The following FLNB variants were observed in gnomAD, a reference collection of about 807,000 sequenced individuals.
FLNB encodes filamin-B.
Under a neutral mutation model 250.6 loss-of-function variants are expected in FLNB, and 111 were observed. The ratio of observed to expected loss-of-function variants is 0.44; its 90% CI spans 0.38 to 0.52. The LOEUF is 0.52. Among genes scored for constraint, FLNB ranks in the 20% least tolerant of loss-of-function variants. The probability of loss-of-function intolerance (pLI) is 0.00; values close to 1 mark genes in which losing one functional copy is unlikely to be tolerated. For synonymous variants in FLNB, 1,302 were observed against 1,372.1 expected (o/e 0.95, Z 1.13); for missense variants, 2,869 against 3,447.8 (o/e 0.83, Z 4.20).
At chr3:58,012,257 G>A (rs538549555) in intron 1 of FLNB, among the ~76,000 whole-genome samples, 160 of 150,692 alleles carry the variant, frequency 1.1e-3, no homozygotes, top group African/African-American at 3.4e-3. Flanking sequence ...TTTGCACACC[G>A]AAGGGACGTT....
chr3:58,031,329 G>A (rs996077303), intron 1 of FLNB, among the ~76,000 whole-genome samples: 14 of 151,842 alleles, frequency 9.2e-5, no homozygotes, highest in Admixed American at 3.9e-4. Flanking sequence ...TGCAAGCTCC[G>A]CCTCCCGGGT....
In FLNB at chr3:58,081,636, C is replaced by T. The variant is rs755253275; in HGVS notation, c.647C>T (p.Thr216Ile). ...ACCATGTCATTATCCTAGGTCATCA[C>T]TCCTGAAGAAATCATTCACCCGGAT... ...DDWLGVPQVI[T>I]PEEIIHPDVD... The change falls in exon 4 of 46, where the codon ACT (threonine) becomes ATT (isoleucine). Residue 216 changes from threonine (T) to isoleucine (I), a missense_variant. Physicochemically the swap from Thr to Ile is moderately conservative, Grantham distance 89 (BLOSUM62 -1). Transcript: ENST00000295956. The T allele has an allele frequency of 8.1e-6, 13 of 1,613,974 alleles. No individual in the cohort carries two copies. The highest frequency in any genetic ancestry group is 1.1e-5 in the South Asian group (1 of 91,084).
At chr3:58,098,552 C>T (rs1434346732) in intron 7 of FLNB, among the ~76,000 whole-genome samples, 159 bp from the exon 8 acceptor site, 1 of 152,080 alleles carries the variant, frequency 6.6e-6, no homozygotes, top group Non-Finnish European at 1.5e-5. Context: ...AGGCTGGTCT[C>T]GAAATCCTGA....
rs753898187 is a variant in FLNB, at chr3:58,155,955, C to T, written c.6773-5C>T. On this transcript the variant is annotated splice_polypyrimidine_tract_variant and splice_region_variant and intron_variant, in intron 40 of 45. Coordinates refer to ENST00000295956, the MANE Select transcript of FLNB (RefSeq NM_001457.4). ...TGAAATGATGGGACTTTCCTGTCCT[C>T]ATAGGTAACTACGAGGTGTCCATCA... 1.9e-6 allele frequency: 3 copies of T among 1,599,976 alleles called. No individual in the cohort carries two copies. The highest frequency in any genetic ancestry group is 1.1e-5 in the South Asian group (1 of 90,804).
chr3:58,031,880 C>T (rs2097131606), intron 1 of FLNB, among the ~76,000 whole-genome samples: 1 of 151,838 alleles, frequency 6.6e-6, no homozygotes, highest in South Asian at 2.1e-4. Context: ...TACTGCATTA[C>T]TAAGCTTGAC....
At chr3:58,100,371 A>ATATATATAT (rs1273706014) in intron 8 of FLNB, among the ~76,000 whole-genome samples, 2 of 25,250 alleles carry the variant, frequency 7.9e-5, no homozygotes, top group African/African-American at 6.0e-4. Context: ...ATGTAAAAAA[A>ATATATATAT]AAATATATAT....
chr3:58,008,904 C>T, intron 1 of FLNB, 48 bp downstream of exon 1: 1 of 1,607,412 alleles, frequency 6.2e-7, no homozygotes, highest in Middle Eastern at 1.7e-4. Flanking sequence ...GCCGACCCGC[C>T]CCCGCGCGTG....
At chr3:58,149,009 C>T (rs1037575701) in intron 36 of FLNB, among the ~76,000 whole-genome samples, 157 bp downstream of exon 36, 3 of 152,166 alleles carry the variant, frequency 2.0e-5, no homozygotes, top group Non-Finnish European at 4.4e-5. Context: ...GCCTCATGAC[C>T]ATTGGCAAAA....
At position 58,142,062 on chromosome 3, in the gene FLNB, G is replaced by C. The variant is rs1575451384; in HGVS notation, c.5181+133G>C. On this transcript the variant is annotated intron_variant, in intron 30 of 45. Transcript: ENST00000295956. This position sits in a 1 kb window ranked among gnomAD's most constrained non-coding sequence, Gnocchi z 4.3. ...TCATTGGTGTGCCCCTCACTGATCA[G>C]CCCATCACGATGATCCCTGCTTTTT... 3 of 768,162 alleles carry C rather than the reference G, an allele frequency of 3.9e-6. No individual in the cohort carries two copies. The highest frequency in any genetic ancestry group is 7.0e-6 in the Non-Finnish European group (3 of 428,228). The allele number at this position is 768,162 out of a possible 1,614,324, so 47.6% of individuals were successfully genotyped here.
chr3:58,146,456 T>C (rs1575457125), intron 33 of FLNB, among the ~76,000 whole-genome samples: 1 of 152,220 alleles, frequency 6.6e-6, no homozygotes, highest in East Asian at 1.9e-4. Flanking sequence ...GGGATTTCCG[T>C]GATGGCAGCC....
chr3:58,065,008 C>G (rs2106898028), intron 1 of FLNB, among the ~76,000 whole-genome samples: 1 of 152,206 alleles, frequency 6.6e-6, no homozygotes, highest in African/African-American at 2.4e-5. Flanking sequence ...CCACTGCACT[C>G]CAGCTTGGGT....
intron 9 of FLNB, 114 bp downstream of exon 9, chr3:58,102,454 C>G: frequency 8.0e-7 from 1 of 1,254,024 alleles, no homozygotes. Flanking sequence ...AAGGCTATGT[C>G]AAGGATTTGA....
chr3:58,146,608 G>T, intron 33 of FLNB: 1 of 576,128 alleles, frequency 1.7e-6, no homozygotes, highest in Non-Finnish European at 3.1e-6. Flanking sequence ...TTGCAGTGAA[G>T]AACTCAGATG....
intron 39 of FLNB, 137 bp from the exon 40 acceptor site, chr3:58,154,653 TG>T (rs2097350613): frequency 2.3e-6 from 2 of 867,036 alleles, no homozygotes; most frequent in East Asian, 5.0e-5. Flanking sequence ...GGACCTTGCT[TG>T]GGTTCTGCTT....
intron 42 of FLNB, 22 bp downstream of exon 42, chr3:58,159,708 G>T: frequency 6.2e-7 from 1 of 1,610,750 alleles, no homozygotes; most frequent in Non-Finnish European, 8.5e-7. Flanking sequence ...GCCTGCTGGG[G>T]GGTCCCAGCA....
In FLNB at chr3:58,170,648, C is replaced by G; in HGVS notation, c.7695C>G (p.Gly2565=). 6.2e-7 allele frequency: 1 copy of G among 1,614,104 alleles called. No homozygotes were observed. The highest frequency in any genetic ancestry group is 1.3e-5 in the African/African-American group (1 of 75,022). The part of the protein sequence containing the change: ...PCEEVSMKHV[G]NQQYNVTYVV... ...AGGAGGTCTCCATGAAGCATGTAGG[C>G]AACCAGCAATACAACGTCACATACG... Residue 2565 remains glycine (G), a synonymous_variant, in exon 46 of 46, where the codon GGC becomes GGG. Transcript: ENST00000295956.
At chr3:58,126,883 G>T in intron 24 of FLNB, 121 bp downstream of exon 24, 3 of 928,488 alleles carry the variant, frequency 3.2e-6, no homozygotes, top group Non-Finnish European at 5.1e-6. Flanking sequence ...TGCAAAAGGA[G>T]AGTTTTTCTT....
At position 58,008,787 on chromosome 3, in the gene FLNB, A is replaced by T; in HGVS notation, c.223A>T (p.Met75Leu). ...CCATCAGCGGCCCACCTTTCGCCAG[A>T]TGCAGCTCGAGAATGTGTCCGTGGC... ...KYHQRPTFRQ[M>L]QLENVSVALE... The change falls in exon 1 of 46, where the codon ATG becomes TTG. Residue 75 changes from methionine to leucine, a missense_variant. Transcript: ENST00000295956. 1 of 1,613,932 alleles carries T rather than the reference A, an allele frequency of 6.2e-7. No homozygotes were observed. Among genetic ancestry groups the T allele is most frequent in the Non-Finnish European group, 8.5e-7 (1 of 1,179,910 alleles).
chr3:58,105,258 G>C (rs1014024987), intron 11 of FLNB, 42 bp downstream of exon 11: 1 of 1,613,436 alleles, frequency 6.2e-7, no homozygotes, highest in African/African-American at 1.3e-5. Context: ...GAGGACTGAG[G>C]ATTACAGGGC....
Sources: gnomAD v4.1 joint callset for allele counts (sites outside exome capture counted in the v4.1 genomes callset) on GRCh38, gnomAD v4.1.1 for gene constraint, Gnocchi (gnomAD v3.1) non-coding constraint, MANE v1.5 for transcripts, NCBI Gene and HGNC (gene_info 2026-07-23, HGNC 2026-07-21) for gene names.